Variants in WNT9B observed in about 807,000 individuals in gnomAD.
WNT9B encodes Wnt family member 9B, also known as protein Wnt-9b.
Under a neutral mutation model 30.2 loss-of-function variants are expected in WNT9B, and 12 were observed. The ratio of observed to expected loss-of-function variants is 0.40; its 90% CI spans 0.26 to 0.64. The LOEUF is 0.64. WNT9B is among the 30% of genes least tolerant of loss of function. The probability of loss-of-function intolerance (pLI) is 0.42; values close to 1 mark genes in which losing one functional copy is unlikely to be tolerated. For synonymous variants in WNT9B, 218 were observed against 216.9 expected, an observed-to-expected ratio of 1.01 and a Z score of -0.05; for missense variants, 442 against 485.2, an observed-to-expected ratio of 0.91 and a Z score of 0.84.
intron 1 of WNT9B, among the ~76,000 whole-genome samples, chr17:46,864,979 G>T (rs1568125798): frequency 6.6e-6 from 1 of 152,154 alleles, no homozygotes; most frequent in Non-Finnish European, 1.5e-5. Flanking sequence ...TGTACATTTG[G>T]ACTCAGCCTA....
Position 46,878,752 on chromosome 17 carries a change from C to T in WNT9B, c.*2034C>T, listed in dbSNP as rs1473872357. Among the ~76,000 whole-genome samples the T allele has an allele frequency of 1.3e-5, 2 of 152,218 alleles. No individual in the cohort carries two copies. Among genetic ancestry groups the T allele is most frequent in the Non-Finnish European group, 2.9e-5 (2 of 68,044 alleles). On this transcript the variant is annotated 3_prime_UTR_variant, in exon 4 of 4. Transcript: ENST00000290015. ...ACGTGGAGGCCAGAGCACCCTGATCCACCAACATGCCACCTGCATTCTGAC... is the reference window on the plus strand; with the variant it reads ...ACGTGGAGGCCAGAGCACCCTGATCTACCAACATGCCACCTGCATTCTGAC...
chr17:46,846,890 G>A (rs1423165967), upstream of WNT9B, among the ~76,000 whole-genome samples: 1 of 152,194 alleles, frequency 6.6e-6, no homozygotes, highest in Non-Finnish European at 1.5e-5. Context: ...AGATAGGACA[G>A]GGGCCCTTCC....
intron 1 of WNT9B, among the ~76,000 whole-genome samples, chr17:46,843,142 A>T (rs1368949116): frequency 6.6e-6 from 1 of 152,244 alleles, no homozygotes; most frequent in African/African-American, 2.4e-5. Flanking sequence ...AGAGAGGGAG[A>T]AACTAGGGTA....
In WNT9B at chr17:46,877,357, T is replaced by C. The variant is rs2085362321; in HGVS notation, c.*639T>C. On this transcript the variant is annotated 3_prime_UTR_variant, in exon 4 of 4. Transcript: ENST00000290015. Reference sequence around the variant, plus strand: ...GTGGACCCGAGTGAGATCTGTGCCCTGGAGCCCTGTGTCCTTGATTTGGCT... The same window carrying C: ...GTGGACCCGAGTGAGATCTGTGCCCCGGAGCCCTGTGTCCTTGATTTGGCT... Among the ~76,000 whole-genome samples the C allele has an allele frequency of 6.6e-6, 1 of 152,220 alleles. No homozygotes were observed. Among genetic ancestry groups the C allele is most frequent in the Admixed American group, 6.5e-5 (1 of 15,280 alleles).
At chr17:46,884,903 A>T (rs546473903), downstream of WNT9B, 8 of 337,398 alleles carry the variant, frequency 2.4e-5, no homozygotes, top group East Asian at 8.5e-4. Flanking sequence ...GACTTGGTTC[A>T]AATATCTCCA....
chr17:46,848,849 A>G (rs1173682669), upstream of WNT9B, among the ~76,000 whole-genome samples: 1 of 152,122 alleles, frequency 6.6e-6, no homozygotes, highest in African/African-American at 2.4e-5. Flanking sequence ...CATCTGTGCA[A>G]TGGAGTTATG....
intron 1 of WNT9B, among the ~76,000 whole-genome samples, chr17:46,836,728 G>C (rs2084636761): frequency 6.6e-6 from 1 of 152,122 alleles, no homozygotes; most frequent in Non-Finnish European, 1.5e-5. Flanking sequence ...AGGTGAGCAG[G>C]GTTGGCCAGG....
intron 1 of WNT9B, among the ~76,000 whole-genome samples, chr17:46,853,062 G>A (rs1042072951): frequency 6.6e-6 from 1 of 152,120 alleles, no homozygotes; most frequent in Admixed American, 6.6e-5. Context: ...TGATCCTTTT[G>A]CGATCCACCC....
chr17:46,856,521 G>A (rs958541420), intron 1 of WNT9B, among the ~76,000 whole-genome samples: 15 of 144,046 alleles, frequency 1.0e-4, no homozygotes, highest in Non-Finnish European at 2.0e-4. Flanking sequence ...GTCTCACTAT[G>A]TCGCCCAGGC....
rs200148344 is a variant in WNT9B at position 46,872,607 on chromosome 17, C to T, written c.168C>T (p.Asp56=). ...GCGGGGCCCACCTGAAGCAGTGTGA[C>T]CTGCTGAAGCTGTCCCGGCGGCAGA... ...AQGGAHLKQC[D]LLKLSRRQKQ... Residue 56 remains aspartate, a synonymous_variant, in exon 2 of 4, where the codon GAC becomes GAT. Coordinates refer to ENST00000290015, the MANE Select transcript of WNT9B (RefSeq NM_003396.3). 4.7e-4 allele frequency: 753 copies of T among 1,612,696 alleles called. 6 individuals carry two copies. The Admixed American group carries it at 0.011, about 24-fold the overall frequency.
upstream of WNT9B, chr17:46,851,467 C>A: frequency 3.1e-6 from 1 of 321,486 alleles, no homozygotes; most frequent in Non-Finnish European, 5.6e-6. The surrounding 1 kb of genome is among the most constrained non-coding windows in gnomAD (Gnocchi z 4.3). Context: ...GGCGGTGGGG[C>A]CAATGGGGCG....
At chr17:46,883,371 G>T (rs559501456), downstream of WNT9B, among the ~76,000 whole-genome samples, 11 of 148,794 alleles carry the variant, frequency 7.4e-5, no homozygotes, top group African/African-American at 2.7e-4. Flanking sequence ...TACAACCTCC[G>T]CCTCCCGGGT....
At chr17:46,843,580 T>C (rs563087153) in intron 1 of WNT9B, among the ~76,000 whole-genome samples, 2 of 152,372 alleles carry the variant, frequency 1.3e-5, no homozygotes, top group South Asian at 4.1e-4. Flanking sequence ...TTCTCTTTAC[T>C]GCTGCACAGT....
At chr17:46,872,927 C>G (rs1323380191) in intron 2 of WNT9B, among the ~76,000 whole-genome samples, 154 bp downstream of exon 2, 1 of 152,032 alleles carries the variant, frequency 6.6e-6, no homozygotes, top group Non-Finnish European at 1.5e-5. Context: ...AGAAGAGTCA[C>G]AAGAGTTAAT....
rs2085372064 is a variant in WNT9B, at chr17:46,878,022, A to C, written c.*1304A>C. Among the ~76,000 whole-genome samples the C allele has an allele frequency of 6.6e-6, 1 of 152,152 alleles. No individual in the cohort carries two copies. Among genetic ancestry groups the C allele is most frequent in the African/African-American group, 2.4e-5 (1 of 41,434 alleles). On this transcript the variant is annotated 3_prime_UTR_variant, in exon 4 of 4. Transcript: ENST00000290015. ...CTCTGTGAAAGGAGGAGAGACTGGT[A>C]CCTCCACACAGGCACACATGGATGC... is the stretch of plus-strand genomic sequence containing the variant.
At chr17:46,882,985 A>G (rs532261943), downstream of WNT9B, among the ~76,000 whole-genome samples, 1 of 144,772 alleles carries the variant, frequency 6.9e-6, no homozygotes, top group Admixed American at 6.9e-5. Flanking sequence ...CATGATCCCC[A>G]TTTTTTTTTT....
chr17:46,876,430 G>T lies in WNT9B; in HGVS notation c.786G>T (p.Trp262Cys), dbSNP rs770061645. 1 of 1,613,636 alleles carries T rather than the reference G, an allele frequency of 6.2e-7. No homozygotes were observed. Among genetic ancestry groups the T allele is most frequent in the Admixed American group, 1.7e-5 (1 of 60,012 alleles). ...AGGCCTTGGGCCGCCTAGAGCTGTGGGCCCCTGCCAGGCAGGGCAGCCTCA... is the reference window on the plus strand; with the variant it reads ...AGGCCTTGGGCCGCCTAGAGCTGTGTGCCCCTGCCAGGCAGGGCAGCCTCA... ...TNEALGRLEL[W>C]APARQGSLTK... Residue 262 changes from tryptophan (W) to cysteine (C), a missense_variant, in exon 4 of 4, where the codon TGG becomes TGT. Coordinates refer to ENST00000290015, the MANE Select transcript of WNT9B (RefSeq NM_003396.3).
intron 1 of WNT9B, among the ~76,000 whole-genome samples, chr17:46,859,441 A>G (rs1768332607): frequency 6.6e-6 from 1 of 152,198 alleles, no homozygotes; most frequent in Non-Finnish European, 1.5e-5. Flanking sequence ...TTGCTCATCA[A>G]TTGATTCAAT....
chr17:46,843,905 T>G (rs952891177), intron 1 of WNT9B, among the ~76,000 whole-genome samples: 1 of 152,234 alleles, frequency 6.6e-6, no homozygotes, highest in African/African-American at 2.4e-5. Context: ...TAGCACCAGA[T>G]GCTTATTCAA....
Sources: allele counts gnomAD v4.1 joint callset (sites outside exome capture counted in the v4.1 genomes callset), GRCh38; gene constraint gnomAD v4.1.1; non-coding constraint Gnocchi (gnomAD v3.1); transcripts MANE v1.5; gene names NCBI Gene and HGNC (gene_info 2026-07-23, HGNC 2026-07-21).